Variants in ANKS1B observed in about 807,000 individuals in gnomAD.
ANKS1B encodes the protein ankyrin repeat and sterile alpha motif domain-containing protein 1B.
Under a neutral mutation model 148.3 loss-of-function variants are expected in ANKS1B, and 36 were observed. That is an observed-to-expected ratio of 0.24 (90% confidence interval 0.19 to 0.32). The LOEUF (loss-of-function observed/expected upper bound fraction) is 0.32, where lower values mean the gene tolerates loss of function less well. Ranked by LOEUF, ANKS1B falls within the 10% of genes least tolerant of loss-of-function variation. The pLI is 1.00. For synonymous variants in ANKS1B, 542 were observed against 560.8 expected, an observed-to-expected ratio of 0.97 and a Z score of 0.47; for missense variants, 1,157 against 1,542.6, an observed-to-expected ratio of 0.75 and a Z score of 4.19.
At chr12:99,257,869 C>T (rs1296192469) in intron 12 of ANKS1B, among the ~76,000 whole-genome samples, 36 of 152,074 alleles carry the variant, frequency 2.4e-4, no homozygotes, top group Non-Finnish European at 8.8e-5. Flanking sequence ...AACAGTGTCC[C>T]AAATAGCAAC....
chr12:99,220,197 A>G (rs2084871424), intron 14 of ANKS1B, among the ~76,000 whole-genome samples: 1 of 152,050 alleles, frequency 6.6e-6, no homozygotes, highest in Non-Finnish European at 1.5e-5. Context: ...ACAGGGTTTC[A>G]TCATGTTGGC....
At chr12:99,560,851 T>C (rs1195381486) in intron 9 of ANKS1B, among the ~76,000 whole-genome samples, 5 of 136,044 alleles carry the variant, frequency 3.7e-5, no homozygotes, top group South Asian at 2.5e-4. Flanking sequence ...TTTTTTTTTT[T>C]TTTTTTTTTT....
At chr12:99,647,852 C>T (rs1388776148) in intron 9 of ANKS1B, 4 of 324,834 alleles carry the variant, frequency 1.2e-5, no homozygotes, top group Non-Finnish European at 2.3e-5. Context: ...ATATCAGGCT[C>T]AAATGGAGGT....
intron 17 of ANKS1B, among the ~76,000 whole-genome samples, chr12:98,853,473 C>T: frequency 6.6e-6 from 1 of 152,198 alleles, no homozygotes. Flanking sequence ...CTCTATCCCA[C>T]ATCCTCACTG....
Position 99,504,491 on chromosome 12 carries a change from G to T in ANKS1B, c.1423C>A (p.Pro475Thr), listed in dbSNP as rs777069803. The change falls in exon 10 of 27, where the codon CCT becomes ACT. Residue 475 changes from proline (P) to threonine (T), a missense_variant. Transcript: ENST00000683438. ...GAGATATTACCAGTTCTTGGGGAAG[G>T]TGCCCTTGCAATTTCTAAGGAGCAA... The part of the protein sequence containing the change: ...KPCSLEIARA[P>T]SPRTDNASEV... 2 of 1,612,196 alleles carry T rather than the reference G, an allele frequency of 1.2e-6. No homozygotes were observed. Among genetic ancestry groups the T allele is most frequent in the Admixed American group, 3.4e-5 (2 of 59,628 alleles).
At chr12:99,214,158 C>A (rs2083778870) in intron 14 of ANKS1B, among the ~76,000 whole-genome samples, 1 of 152,006 alleles carries the variant, frequency 6.6e-6, no homozygotes, top group Non-Finnish European at 1.5e-5. Context: ...TGTTAGCACT[C>A]TTTCACTATA....
chr12:99,789,775 C>T (rs934611187), intron 4 of ANKS1B, among the ~76,000 whole-genome samples: 3 of 151,980 alleles, frequency 2.0e-5, no homozygotes, highest in Non-Finnish European at 2.9e-5. Context: ...AGCCATACCG[C>T]CCCAAACGCA....
chr12:99,162,888 T>A (rs1196284549), intron 14 of ANKS1B, among the ~76,000 whole-genome samples: 1 of 152,082 alleles, frequency 6.6e-6, no homozygotes, highest in Admixed American at 6.5e-5. Context: ...TAAAACCTCG[T>A]CTCTACTACA....
chr12:99,418,836 TTAAGAGGTC>T (rs2094991666), intron 11 of ANKS1B, among the ~76,000 whole-genome samples: 2 of 152,172 alleles, frequency 1.3e-5, no homozygotes. Context: ...TTCTATTCTT[TTAAGAGGTC>T]TTAAAAAACA....
At chr12:99,857,815 G>A (rs573737740) in intron 1 of ANKS1B, among the ~76,000 whole-genome samples, 14 of 152,178 alleles carry the variant, frequency 9.2e-5, no homozygotes, top group South Asian at 2.1e-4. Context: ...AAATGGTGCC[G>A]GGATAATTGA....
rs1434301847 is a variant in ANKS1B at position 99,685,771 on chromosome 12, C to CAT, written c.1129-30563_1129-30562dup. ...ACATATATATATATACACACACACA[C>CAT]ATATATACACAATGGAATACTACTC... On this transcript the variant is annotated intron_variant, in intron 8 of 26. Coordinates refer to ENST00000683438, the MANE Select transcript of ANKS1B (RefSeq NM_001352186.2). Among the ~76,000 whole-genome samples the CAT allele has an allele frequency of 4.0e-5, 6 of 151,274 alleles. No homozygotes were observed. The East Asian group carries it at 1.2e-3, about 29-fold the overall frequency.
At position 98,791,162 on chromosome 12, in the gene ANKS1B, T is replaced by C. The variant is rs936750790; in HGVS notation, c.3342+7772A>G. ...GAGTTCGAGACCAGCCTGGTCAATA[T>C]GGTGAAACCCTGTCTCTACTAAAAA... On this transcript the variant is annotated intron_variant, in intron 22 of 26. Transcript: ENST00000683438. Among the ~76,000 whole-genome samples the C allele has an allele frequency of 2.2e-4, 33 of 152,168 alleles. No individual in the cohort carries two copies. The East Asian group carries it at 2.5e-3, about 12-fold the overall frequency.
chr12:99,793,254 C>T (rs1156650422), intron 4 of ANKS1B, among the ~76,000 whole-genome samples: 3 of 152,084 alleles, frequency 2.0e-5, no homozygotes, highest in South Asian at 2.1e-4. Flanking sequence ...GTTAAAATGT[C>T]CATACTAACC....
chr12:99,409,160 T>C (rs955272387), intron 11 of ANKS1B, among the ~76,000 whole-genome samples: 1 of 152,204 alleles, frequency 6.6e-6, no homozygotes, highest in African/African-American at 2.4e-5. Context: ...TGGCATACTA[T>C]TCGGCTATAA....
At chr12:99,047,506 A>G (rs2099963290) in intron 17 of ANKS1B, among the ~76,000 whole-genome samples, 1 of 152,246 alleles carries the variant, frequency 6.6e-6, no homozygotes, top group African/African-American at 2.4e-5. Flanking sequence ...CATAGAAAAC[A>G]TGCAAAAAAT....
At chr12:99,939,863 G>A (rs974727849) in intron 1 of ANKS1B, among the ~76,000 whole-genome samples, 1 of 152,028 alleles carries the variant, frequency 6.6e-6, no homozygotes, top group Admixed American at 6.5e-5. Context: ...TCATGTAAAG[G>A]GAACATGAAA....
At chr12:99,831,241 A>G (rs1201700954) in intron 1 of ANKS1B, among the ~76,000 whole-genome samples, 1 of 151,830 alleles carries the variant, frequency 6.6e-6, no homozygotes, top group African/African-American at 2.4e-5. Context: ...AAAAAAAAAA[A>G]AAACCAAACC....
chr12:99,328,728 A>G (rs1268957665), intron 12 of ANKS1B, among the ~76,000 whole-genome samples: 1 of 152,006 alleles, frequency 6.6e-6, no homozygotes, highest in Non-Finnish European at 1.5e-5. Flanking sequence ...CAAAAATTAC[A>G]AGCATGAAAA....
At chr12:99,094,920 G>A (rs1197247354) in intron 15 of ANKS1B, among the ~76,000 whole-genome samples, 1 of 152,032 alleles carries the variant, frequency 6.6e-6, no homozygotes, top group East Asian at 1.9e-4. Flanking sequence ...AGGTATGGAA[G>A]TTGAGCTCGA....
Sources: gnomAD v4.1 joint callset for allele counts (sites outside exome capture counted in the v4.1 genomes callset) on GRCh38, gnomAD v4.1.1 for gene constraint, MANE v1.5 for transcripts, NCBI Gene and HGNC (gene_info 2026-07-23, HGNC 2026-07-21) for gene names.